Variants in FBRSL1 observed in about 807,000 individuals in gnomAD.
FBRSL1 encodes the protein fibrosin like 1, also known as fibrosin-1-like protein.
A neutral mutation model predicts 89.6 loss-of-function variants in FBRSL1; 51 were observed. That is an observed-to-expected ratio of 0.57 (90% CI 0.45 to 0.72). The LOEUF (loss-of-function observed/expected upper bound fraction) is 0.72. FBRSL1 is among the 30% of genes least tolerant of loss of function. The pLI is 0.00. For synonymous variants in FBRSL1, 779 were observed against 681.1 expected, an observed-to-expected ratio of 1.14 and a Z score of -2.24; for missense variants, 1,618 against 1,451.8, an observed-to-expected ratio of 1.11 and a Z score of -1.86.
Position 132,583,019 on chromosome 12 carries a change from C to T in FBRSL1, c.2250C>T (p.Thr750=). The T allele has an allele frequency of 1.4e-6, 2 of 1,457,214 alleles. No homozygotes were observed. The highest frequency in any genetic ancestry group is 1.8e-6 in the Non-Finnish European group (2 of 1,112,430). The allele number at this position is 1,457,214 out of a possible 1,614,324, so 90.3% of individuals were successfully genotyped here. ...TRLLSRASPA[T]PAGHPVSGLL... ...TGCTGAGCCGGGCCTCGCCCGCCAC[C>T]CCCGCTGGCCACCCCGTCAGCGGCC... The change falls in exon 19 of 19, where the codon ACC becomes ACT. Residue 750 remains threonine (T), a synonymous_variant. Coordinates refer to ENST00000680143, the MANE Select transcript of FBRSL1 (RefSeq NM_001367871.1).
At chr12:132,572,136 C>T (rs2040064656) in intron 9 of FBRSL1, 152 bp from the exon 10 acceptor site, 2 of 658,628 alleles carry the variant, frequency 3.0e-6, no homozygotes, top group Admixed American at 2.8e-5. Flanking sequence ...GGCTGGCGCT[C>T]TAGAGGAGCC....
chr12:132,558,822 C>T (rs1233392505), intron 5 of FBRSL1, among the ~76,000 whole-genome samples: 1 of 152,248 alleles, frequency 6.6e-6, no homozygotes, highest in African/African-American at 2.4e-5. Context: ...GCCACAGCTC[C>T]CACCTCAGTC....
At chr12:132,509,039 TCTC>T in intron 2 of FBRSL1, 2 of 1,214,752 alleles carry the variant, frequency 1.6e-6, no homozygotes, top group Non-Finnish European at 2.1e-6. Context: ...TGTCCTCGGC[TCTC>T]CTCGGCCCCC....
intron 4 of FBRSL1, among the ~76,000 whole-genome samples, chr12:132,534,557 G>C (rs1054634781): frequency 6.6e-6 from 1 of 152,246 alleles, no homozygotes; most frequent in Non-Finnish European, 1.5e-5. Context: ...TGCCCACACA[G>C]GGCTCACTTC....
intron 2 of FBRSL1, among the ~76,000 whole-genome samples, chr12:132,519,003 A>G (rs1024344374): frequency 6.6e-6 from 1 of 152,244 alleles, no homozygotes; most frequent in Admixed American, 6.5e-5. Context: ...GCATCCATCC[A>G]TCCACCCATC....
intron 2 of FBRSL1, chr12:132,511,541 T>C: frequency 1.0e-6 from 1 of 985,770 alleles, no homozygotes; most frequent in Non-Finnish European, 1.2e-6. Flanking sequence ...TTTGACTGTC[T>C]CCAGACCTCA....
chr12:132,540,682 T>C (rs2037183776), intron 4 of FBRSL1, among the ~76,000 whole-genome samples: 1 of 152,086 alleles, frequency 6.6e-6, no homozygotes, highest in Non-Finnish European at 1.5e-5. Context: ...TGGCGCCTGC[T>C]CTGGGCTCAA....
In FBRSL1 at chr12:132,490,737, G is replaced by C. The variant is rs2030706992; in HGVS notation, c.167G>C (p.Gly56Ala). 2.3e-5 allele frequency: 23 copies of C among 1,000,982 alleles called. No homozygotes were observed. The highest frequency in any genetic ancestry group is 2.5e-5 in the Non-Finnish European group (21 of 843,110). The allele number at this position is 1,000,982 out of a possible 1,614,324, so 62.0% of individuals were successfully genotyped here. ...NAGLRGAPPR[G>A]AAPAPRTARP... ...GGCCTCCGCGGCGCGCCCCCCCGAG[G>C]CGCCGCCCCCGCGCCCCGCACCGCG... The change falls in exon 1 of 19, where the codon GGC becomes GCC. Residue 56 changes from glycine (G) to alanine (A), a missense_variant. By Grantham distance (60) the Gly-to-Ala change is moderately conservative. Coordinates refer to ENST00000680143, the MANE Select transcript of FBRSL1 (RefSeq NM_001367871.1).
chr12:132,570,074 C>T lies in FBRSL1; in HGVS notation c.840C>T (p.Gly280=), dbSNP rs747397413. ...CGCCCTGCCCGGGGCCCCCGCCCGG[C>T]TCCCGCGCCAATCCCTTGGTGAAGA... ...HAAPCPGPPP[G]SRANPLVKKE... The change falls in exon 7 of 19, where the codon GGC becomes GGT. Residue 280 remains glycine (G), a synonymous_variant. Coordinates refer to ENST00000680143, the MANE Select transcript of FBRSL1 (RefSeq NM_001367871.1). 85 of 1,490,606 alleles carry T rather than the reference C, an allele frequency of 5.7e-5. No individual in the cohort carries two copies. Among genetic ancestry groups the T allele is most frequent in the East Asian group, 1.3e-4 (5 of 37,514 alleles). 92.3% of individuals were successfully genotyped at this position (1,490,606 alleles called of 1,614,324 possible).
chr12:132,578,156 T>C (rs903420928), intron 15 of FBRSL1, among the ~76,000 whole-genome samples: 2 of 152,220 alleles, frequency 1.3e-5, no homozygotes, highest in Non-Finnish European at 2.9e-5. Flanking sequence ...ATTCTTACAA[T>C]GAAGTCCACT....
At chr12:132,582,910 G>A (rs1324377370) in intron 18 of FBRSL1, 61 bp from the exon 19 acceptor site, 8 of 1,291,532 alleles carry the variant, frequency 6.2e-6, no homozygotes, top group Non-Finnish European at 7.9e-6. Context: ...AACATCCCGG[G>A]GCTGCGCCGC....
chr12:132,536,309 G>A (rs1411041390), intron 4 of FBRSL1, among the ~76,000 whole-genome samples: 1 of 151,184 alleles, frequency 6.6e-6, no homozygotes, highest in African/African-American at 2.4e-5. Flanking sequence ...CGGGGTGTGT[G>A]AGTGCATGTG....
intron 5 of FBRSL1, among the ~76,000 whole-genome samples, chr12:132,549,994 G>A (rs1388714121): frequency 2.0e-5 from 3 of 152,224 alleles, no homozygotes; most frequent in Admixed American, 6.5e-5. Flanking sequence ...GGGCGGTGTC[G>A]GGGAGGCTGA....
intron 1 of FBRSL1, among the ~76,000 whole-genome samples, chr12:132,501,144 C>T (rs2032898555): frequency 6.6e-6 from 1 of 152,196 alleles, no homozygotes; most frequent in Non-Finnish European, 1.5e-5. Context: ...CCCCCTGCAA[C>T]TCTGCTCCCT....
At chr12:132,537,036 G>A (rs770637660) in intron 4 of FBRSL1, among the ~76,000 whole-genome samples, 13 of 152,150 alleles carry the variant, frequency 8.5e-5, no homozygotes, top group Non-Finnish European at 1.5e-4. Flanking sequence ...GAGTGGAAGC[G>A]GCTGGTGGCC....
At chr12:132,518,278 C>G (rs975250625) in intron 2 of FBRSL1, among the ~76,000 whole-genome samples, 1 of 151,494 alleles carries the variant, frequency 6.6e-6, no homozygotes, top group Middle Eastern at 3.2e-3. Context: ...ACCCATGCAT[C>G]TACCCATGCA....
At chr12:132,533,209 A>G (rs1477832255) in intron 4 of FBRSL1, among the ~76,000 whole-genome samples, 22 of 148,564 alleles carry the variant, frequency 1.5e-4, no homozygotes, top group Non-Finnish European at 3.0e-5. Flanking sequence ...AGAGAGCCAC[A>G]GTCTCCTCCC....
chr12:132,507,213 G>C, intron 1 of FBRSL1: 1 of 985,578 alleles, frequency 1.0e-6, no homozygotes, highest in Non-Finnish European at 1.2e-6. Context: ...TCTGACATGG[G>C]TTCTGTCCTG....
At chr12:132,554,375 T>C (rs2038439801) in intron 5 of FBRSL1, 1 of 152,182 alleles carries the variant, frequency 6.6e-6, no homozygotes, top group Non-Finnish European at 1.5e-5. Flanking sequence ...CGGCAGAAAC[T>C]GGGGTCTGAA....
Sources: gnomAD v4.1 joint callset for allele counts (sites outside exome capture counted in the v4.1 genomes callset) on GRCh38, gnomAD v4.1.1 for gene constraint, MANE v1.5 for transcripts, NCBI Gene and HGNC (gene_info 2026-07-23, HGNC 2026-07-21) for gene names.